The following NR6A1 variants were observed in gnomAD, a reference collection of about 807,000 sequenced individuals.
The protein encoded by NR6A1 is retinoic acid receptor-related testis-associated receptor.
NR6A1 carries 7 observed loss-of-function variants against 59.1 expected under a neutral mutation model. The observed-to-expected ratio is 0.12, with a 90% CI of 0.07 to 0.22. The LOEUF is 0.22. Ranked by LOEUF, NR6A1 falls within the 10% of genes least tolerant of loss-of-function variation. The probability of loss-of-function intolerance (pLI) is 1.00; values close to 1 mark genes in which losing one functional copy is unlikely to be tolerated. For synonymous variants in NR6A1, 243 were observed against 236.1 expected, an observed-to-expected ratio of 1.03 and a Z score of -0.27; for missense variants, 468 against 611.6, an observed-to-expected ratio of 0.77 and a Z score of 2.48.
intron 6 of NR6A1, among the ~76,000 whole-genome samples, chr9:124,537,326 A>C (rs1409363214): frequency 1.3e-5 from 2 of 152,106 alleles, no homozygotes; most frequent in Admixed American, 1.3e-4. Context: ...TGACCTGGTG[A>C]TCCGCCCACC....
chr9:124,707,435 T>C (rs1344406192), intron 2 of NR6A1, among the ~76,000 whole-genome samples: 2 of 152,128 alleles, frequency 1.3e-5, no homozygotes, highest in Non-Finnish European at 2.9e-5. Flanking sequence ...TTTATTTCTC[T>C]GGAATATCTG....
At chr9:124,555,611 C>A (rs1180402299) in intron 2 of NR6A1, among the ~76,000 whole-genome samples, 1 of 152,158 alleles carries the variant, frequency 6.6e-6, no homozygotes, top group African/African-American at 2.4e-5. Flanking sequence ...AAGACCATAT[C>A]TCTTAAAAAA....
intron 2 of NR6A1, among the ~76,000 whole-genome samples, chr9:124,684,197 C>T (rs1838256219): frequency 1.3e-5 from 2 of 152,212 alleles, no homozygotes; most frequent in Admixed American, 1.3e-4. Flanking sequence ...CCATCACCCA[C>T]TAAAAAGGAG....
intron 1 of NR6A1, among the ~76,000 whole-genome samples, chr9:124,749,004 T>C (rs1840419335): frequency 1.3e-5 from 2 of 152,212 alleles, no homozygotes; most frequent in South Asian, 2.1e-4. Context: ...GGCTCACGCC[T>C]GTAACCCCAG....
intron 2 of NR6A1, among the ~76,000 whole-genome samples, chr9:124,642,183 G>A (rs1425093088): frequency 1.3e-5 from 2 of 152,106 alleles, no homozygotes; most frequent in African/African-American, 4.8e-5. Context: ...CCGGGTAGCT[G>A]GGATTACAAG....
chr9:124,753,717 T>A (rs1840566218), intron 1 of NR6A1, among the ~76,000 whole-genome samples: 1 of 152,158 alleles, frequency 6.6e-6, no homozygotes. Flanking sequence ...CCAGAAAACC[T>A]TTTTAGAGAC....
At chr9:124,740,247 C>T (rs983886176) in intron 1 of NR6A1, among the ~76,000 whole-genome samples, 15 of 152,172 alleles carry the variant, frequency 9.9e-5, no homozygotes, top group African/African-American at 3.6e-4. Flanking sequence ...CTAATTTCCC[C>T]CTCCCTTTCC....
In NR6A1 at chr9:124,540,126, T is replaced by G; in HGVS notation, c.503A>C (p.His168Pro). 6.2e-7 allele frequency: 1 copy of G among 1,614,128 alleles called. No homozygotes were observed. Among genetic ancestry groups the G allele is most frequent in the East Asian group, 2.2e-5 (1 of 44,884 alleles). ...SGQEFEEEAN[H>P]WSNHGDSDHS... ...GTCACTATCACCATGGTTGCTCCAG[T>G]GATTGGCCTCTTCCTCAAACTCCTG... Residue 168 changes from histidine (H) to proline (P), a missense_variant, in exon 5 of 10, where the codon CAC (histidine) becomes CCC (proline). His to Pro is a moderately conservative substitution (Grantham distance 77). Coordinates refer to ENST00000487099, the MANE Select transcript of NR6A1 (RefSeq NM_033334.4).
intron 3 of NR6A1, among the ~76,000 whole-genome samples, chr9:124,552,817 C>T (rs1833815619): frequency 6.6e-6 from 1 of 152,090 alleles, no homozygotes; most frequent in Non-Finnish European, 1.5e-5. Context: ...TTATAAACCA[C>T]CTAAATTTAT....
At position 124,595,480 on chromosome 9, in the gene NR6A1, A is replaced by T. The variant is rs142967848; in HGVS notation, c.143-40910T>A. Among the ~76,000 whole-genome samples the T allele has an allele frequency of 2.2e-3, 340 of 152,312 alleles. 3 individuals are homozygous for T. Among genetic ancestry groups the T allele is most frequent in the South Asian group, 0.018 (89 of 4,830 alleles). The stretch of plus-strand genomic sequence containing the variant: ...ACTGACACGTATATTTAATTTTTTT[A>T]AAATCACTATAAAATTTAAATTAAT... On this transcript the variant is annotated intron_variant, in intron 2 of 9. Coordinates refer to ENST00000487099, the MANE Select transcript of NR6A1 (RefSeq NM_033334.4).
At chr9:124,711,313 C>CA (rs1839273716) in intron 2 of NR6A1, among the ~76,000 whole-genome samples, 1 of 150,684 alleles carries the variant, frequency 6.6e-6, no homozygotes, top group African/African-American at 2.4e-5. Context: ...TTAATTTTCA[C>CA]AGCCCTATAA....
chr9:124,610,179 T>C (rs1373073415), intron 2 of NR6A1, among the ~76,000 whole-genome samples: 1 of 152,152 alleles, frequency 6.6e-6, no homozygotes, highest in Non-Finnish European at 1.5e-5. Flanking sequence ...CTTTTGTCAG[T>C]TTTCAAGGGA....
At chr9:124,724,148 T>C (rs924194125) in intron 2 of NR6A1, among the ~76,000 whole-genome samples, 4 of 152,270 alleles carry the variant, frequency 2.6e-5, no homozygotes, top group South Asian at 2.1e-4. Flanking sequence ...ATGTTCCCAA[T>C]GTAATACAGA....
chr9:124,747,945 C>G (rs553828281), intron 1 of NR6A1, among the ~76,000 whole-genome samples: 1 of 152,308 alleles, frequency 6.6e-6, no homozygotes, highest in African/African-American at 2.4e-5. Context: ...AACTTTTTAG[C>G]ATACATTAAT....
intron 2 of NR6A1, among the ~76,000 whole-genome samples, chr9:124,701,903 T>G (rs1838969228): frequency 6.6e-6 from 1 of 152,104 alleles, no homozygotes; most frequent in South Asian, 2.1e-4. Context: ...TTTTGTATTT[T>G]TAGTAGAGAT....
intron 2 of NR6A1, among the ~76,000 whole-genome samples, chr9:124,632,461 G>A (rs1588725277): frequency 6.6e-6 from 1 of 152,200 alleles, no homozygotes; most frequent in Non-Finnish European, 1.5e-5. Flanking sequence ...CCACATGTAT[G>A]TCTTTTCAGA....
intron 2 of NR6A1, among the ~76,000 whole-genome samples, chr9:124,670,571 C>T (rs1409907321): frequency 6.7e-6 from 1 of 149,288 alleles, no homozygotes; most frequent in Non-Finnish European, 1.5e-5. Context: ...CTGACAAACA[C>T]AGCTTCAGCA....
At chr9:124,746,348 G>A (rs931666550) in intron 1 of NR6A1, among the ~76,000 whole-genome samples, 3 of 152,196 alleles carry the variant, frequency 2.0e-5, no homozygotes, top group Admixed American at 6.5e-5. Flanking sequence ...CAGCACTTTG[G>A]GAGGCCCAGG....
At chr9:124,761,405 T>C (rs1195860299) in intron 1 of NR6A1, among the ~76,000 whole-genome samples, 25 of 152,200 alleles carry the variant, frequency 1.6e-4, no homozygotes, top group Admixed American at 1.2e-3. Context: ...CATTGTTATG[T>C]GACATTTCTT....
Sources: gnomAD v4.1 joint callset for allele counts (sites outside exome capture counted in the v4.1 genomes callset) on GRCh38, gnomAD v4.1.1 for gene constraint, MANE v1.5 for transcripts, NCBI Gene and HGNC (gene_info 2026-07-23, HGNC 2026-07-21) for gene names.